The following HMGB1 variants were observed in gnomAD, a reference collection of about 807,000 sequenced individuals.
HMGB1 encodes the protein high mobility group protein B1.
For synonymous variants in HMGB1, 81 were observed against 84.0 expected, an observed-to-expected ratio of 0.96 and a Z score of 0.19; for missense variants, 79 against 253.5, an observed-to-expected ratio of 0.31 and a Z score of 4.67.
chr13:30,571,583 C>G (rs551416945), intron 1 of HMGB1, among the ~76,000 whole-genome samples: 1 of 152,094 alleles, frequency 6.6e-6, no homozygotes, highest in Non-Finnish European at 1.5e-5. Context: ...CGTGAGCCAC[C>G]GTACCCAGCC....
At chr13:30,580,273 C>G (rs2137541954) in intron 1 of HMGB1, among the ~76,000 whole-genome samples, 1 of 152,340 alleles carries the variant, frequency 6.6e-6, no homozygotes, top group East Asian at 1.9e-4. Context: ...TGTTAGCCAG[C>G]AAATAGTTGC....
chr13:30,512,476 C>A (rs1160768601), intron 1 of HMGB1, among the ~76,000 whole-genome samples: 3 of 152,238 alleles, frequency 2.0e-5, no homozygotes, highest in African/African-American at 7.2e-5. Context: ...ACACTGAAAT[C>A]ACCTAACAAT....
intron 1 of HMGB1, among the ~76,000 whole-genome samples, chr13:30,558,670 C>T (rs1375584217): frequency 6.6e-6 from 1 of 152,176 alleles, no homozygotes; most frequent in Non-Finnish European, 1.5e-5. Context: ...AAAAGACATT[C>T]TGACAGATAG....
intron 1 of HMGB1, among the ~76,000 whole-genome samples, chr13:30,476,307 T>G (rs570616318): frequency 1.3e-5 from 2 of 151,970 alleles, no homozygotes; most frequent in African/African-American, 4.8e-5. Context: ...TCAGCTAATT[T>G]TTTGTATTTT....
chr13:30,466,846 T>C (rs181654507), upstream of HMGB1, among the ~76,000 whole-genome samples: 100 of 152,364 alleles, frequency 6.6e-4, no homozygotes, highest in Non-Finnish European at 3.8e-4. Context: ...TCTAAACTGT[T>C]TGGCTATTTT....
chr13:30,538,759 C>T (rs1566019355), intron 1 of HMGB1, among the ~76,000 whole-genome samples: 35 of 121,874 alleles, frequency 2.9e-4, no homozygotes, highest in African/African-American at 1.1e-3. Flanking sequence ...TTCTTTCTTT[C>T]TCTTTCTCTC....
chr13:30,572,879 C>T (rs1870493679), intron 1 of HMGB1, among the ~76,000 whole-genome samples: 1 of 152,212 alleles, frequency 6.6e-6, no homozygotes, highest in South Asian at 2.1e-4. Context: ...GGCTTATTCT[C>T]ACAATTATCT....
intron 1 of HMGB1, among the ~76,000 whole-genome samples, chr13:30,549,429 T>C (rs553562666): frequency 6.6e-6 from 1 of 152,338 alleles, no homozygotes; most frequent in South Asian, 2.1e-4. Flanking sequence ...TCTCACGCTG[T>C]TGCCCAGGCT....
At chr13:30,504,897 T>C (rs907856354) in intron 1 of HMGB1, among the ~76,000 whole-genome samples, 1 of 152,162 alleles carries the variant, frequency 6.6e-6, no homozygotes, top group Non-Finnish European at 1.5e-5. Context: ...ATAATTACGT[T>C]TATCACATGA....
intron 1 of HMGB1, among the ~76,000 whole-genome samples, chr13:30,594,385 C>T (rs1273954740): frequency 6.6e-6 from 1 of 152,138 alleles, no homozygotes; most frequent in African/African-American, 2.4e-5. Context: ...CGCTCTCCCT[C>T]CTTGCTTTTG....
intron 1 of HMGB1, among the ~76,000 whole-genome samples, chr13:30,608,592 A>G (rs927238388): frequency 6.6e-6 from 1 of 152,200 alleles, no homozygotes; most frequent in African/African-American, 2.4e-5. Context: ...GGCTCGGCCA[A>G]CTTCCTCTCT....
upstream of HMGB1, among the ~76,000 whole-genome samples, chr13:30,469,660 C>T (rs1886874889): frequency 1.7e-5 from 1 of 57,246 alleles, no homozygotes; most frequent in African/African-American, 3.5e-5. Context: ...GAGACGGAGT[C>T]TCCCTCTGTC....
chr13:30,609,683 C>CA (rs1327231604), intron 1 of HMGB1, among the ~76,000 whole-genome samples: 1 of 152,154 alleles, frequency 6.6e-6, no homozygotes, highest in Non-Finnish European at 1.5e-5. Flanking sequence ...GATTTTAGTG[C>CA]AACTGTCACC....
chr13:30,561,815 C>T (rs1361273802), intron 1 of HMGB1, among the ~76,000 whole-genome samples: 2 of 152,164 alleles, frequency 1.3e-5, no homozygotes, highest in Admixed American at 6.5e-5. Flanking sequence ...GAAGACAAAG[C>T]GGATCATCAA....
At chr13:30,494,081 A>T (rs1444958387) in intron 1 of HMGB1, among the ~76,000 whole-genome samples, 1 of 152,108 alleles carries the variant, frequency 6.6e-6, no homozygotes, top group Admixed American at 6.5e-5. Flanking sequence ...TTGTTATTTT[A>T]AAAATCTCCC....
intron 1 of HMGB1, among the ~76,000 whole-genome samples, chr13:30,489,975 C>T (rs1012902249): frequency 6.7e-6 from 1 of 149,742 alleles, no homozygotes; most frequent in South Asian, 2.1e-4. Context: ...ATCCGCCTGC[C>T]CCGGCCTCCC....
At chr13:30,506,915 G>A (rs1887882180) in intron 1 of HMGB1, among the ~76,000 whole-genome samples, 2 of 152,136 alleles carry the variant, frequency 1.3e-5, no homozygotes. Flanking sequence ...AGGTGCTCAG[G>A]AAATGTGTGT....
chr13:30,463,103 T>G, intron 3 of HMGB1, 104 bp downstream of exon 3: 1 of 1,152,838 alleles, frequency 8.7e-7, no homozygotes, highest in Non-Finnish European at 1.3e-6. Flanking sequence ...CTAAGAAACT[T>G]TGATTGTACA....
At chr13:30,554,116 T>G in intron 1 of HMGB1, 3 of 1,269,326 alleles carry the variant, frequency 2.4e-6, no homozygotes, top group Non-Finnish European at 3.5e-6. Context: ...TTTCAGAAGA[T>G]GTGAAGTCAT....
Sources: gnomAD v4.1 joint callset for allele counts (sites outside exome capture counted in the v4.1 genomes callset) on GRCh38, gnomAD v4.1.1 for gene constraint, MANE v1.5 for transcripts, NCBI Gene and HGNC (gene_info 2026-07-23, HGNC 2026-07-21) for gene names.